The following DYM variants were observed in gnomAD, a reference collection of about 807,000 sequenced individuals.
DYM encodes dymeclin.
A neutral mutation model predicts 93.1 loss-of-function variants in DYM; 78 were observed. The ratio of observed to expected loss-of-function variants is 0.84; its 90% CI spans 0.70 to 1.01. The LOEUF is 1.01. DYM is among the 50% of genes least tolerant of loss of function. The pLI is 0.00. For missense variants in DYM, 789 were observed against 845.0 expected, an observed-to-expected ratio of 0.93 and a Z score of 0.82; for synonymous variants, 321 against 319.7, an observed-to-expected ratio of 1.00 and a Z score of -0.04.
chr18:49,341,272 C>T (rs2064100541), intron 6 of DYM, among the ~76,000 whole-genome samples: 1 of 151,968 alleles, frequency 6.6e-6, no homozygotes, highest in South Asian at 2.1e-4. Flanking sequence ...GGGTGGATCA[C>T]GAGGTCAGGA....
Position 49,379,545 on chromosome 18 carries a change from A to T in DYM, c.287+120T>A. The T allele has an allele frequency of 1.5e-5, 13 of 878,726 alleles. No homozygotes were observed. In the Admixed American group the frequency reaches 1.6e-4, roughly 11 times the overall value. The allele number at this position is 878,726 out of a possible 1,614,324, so 54.4% of individuals were successfully genotyped here. On this transcript the variant is annotated intron_variant, in intron 4 of 17. Transcript: ENST00000675505. ...AACCTCTCTACCTTTTTTTCTTAAT[A>T]ATGAGAATAATTCCTTCACAGAGAT...
At chr18:49,056,668 G>A (rs2144534287) in intron 17 of DYM, among the ~76,000 whole-genome samples, 1 of 151,780 alleles carries the variant, frequency 6.6e-6, no homozygotes. Flanking sequence ...CTCCCTAGTA[G>A]CAGGGACTAC....
intron 10 of DYM, among the ~76,000 whole-genome samples, chr18:49,277,659 C>T (rs557941317): frequency 2.0e-5 from 3 of 152,262 alleles, no homozygotes; most frequent in Admixed American, 6.5e-5. Context: ...TGTGAGAACA[C>T]AGCAAGTATA....
intron 14 of DYM, among the ~76,000 whole-genome samples, chr18:49,204,368 C>T (rs1403630574): frequency 6.6e-6 from 1 of 152,168 alleles, no homozygotes; most frequent in East Asian, 1.9e-4. Context: ...ATAAACTGTG[C>T]CACTGCAACA....
rs1332902324 is a variant in DYM at position 49,038,299 on chromosome 18, G to A, written c.*5756C>T. Among the ~76,000 whole-genome samples the A allele has an allele frequency of 6.6e-6, 1 of 152,086 alleles. No individual in the cohort carries two copies. The highest frequency in any genetic ancestry group is 2.4e-5 in the African/African-American group (1 of 41,400). ...TTCTACCAATTAACAAAATAGGCAT[G>A]TTAAAATATCACTCTGGTTGCATAT... On this transcript the variant is annotated 3_prime_UTR_variant, in exon 18 of 18. Coordinates refer to ENST00000675505, the MANE Select transcript of DYM (RefSeq NM_001353214.3).
chr18:49,298,896 T>C (rs1258150941), intron 8 of DYM, among the ~76,000 whole-genome samples: 4 of 152,132 alleles, frequency 2.6e-5, no homozygotes, highest in Non-Finnish European at 4.4e-5. Context: ...ATGTGAAGCA[T>C]AAAAGGAAAC....
At chr18:49,318,550 A>G (rs922617557) in intron 8 of DYM, among the ~76,000 whole-genome samples, 5 of 152,052 alleles carry the variant, frequency 3.3e-5, no homozygotes, top group Admixed American at 3.3e-4. Flanking sequence ...TGAACCAGGG[A>G]GTCAGAGGTT....
At chr18:49,073,484 C>A (rs2077054641) in intron 17 of DYM, among the ~76,000 whole-genome samples, 1 of 151,958 alleles carries the variant, frequency 6.6e-6, no homozygotes, top group Admixed American at 6.6e-5. Flanking sequence ...CACTTGAAGG[C>A]AAGAGAAGTT....
At chr18:49,206,287 C>T (rs1279779944) in intron 14 of DYM, among the ~76,000 whole-genome samples, 2 of 151,962 alleles carry the variant, frequency 1.3e-5, no homozygotes, top group South Asian at 2.1e-4. Context: ...CATTAGCCAC[C>T]GCGCCCAGCT....
At chr18:49,108,696 T>C (rs2081111467) in intron 16 of DYM, among the ~76,000 whole-genome samples, 1 of 152,224 alleles carries the variant, frequency 6.6e-6, no homozygotes. Context: ...ACTGATGTTG[T>C]TGGGTGGTAT....
chr18:49,115,998 T>A (rs2081889737), intron 16 of DYM: 1 of 152,228 alleles, frequency 6.6e-6, no homozygotes. Context: ...ATGAGACTAC[T>A]GTAGGTAGAT....
chr18:49,119,741 G>A (rs2082211874), intron 15 of DYM, among the ~76,000 whole-genome samples: 1 of 152,096 alleles, frequency 6.6e-6, no homozygotes, highest in African/African-American at 2.4e-5. Context: ...GATAAGCTAT[G>A]TACATATAAT....
At chr18:49,292,355 G>GACACACACACACACACACACACACAC (rs57025579) in intron 8 of DYM, among the ~76,000 whole-genome samples, 1 of 84,704 alleles carries the variant, frequency 1.2e-5, no homozygotes, top group Admixed American at 1.3e-4. Context: ...CAGACAGACA[G>GACACACACACACACACACACACACAC]ACACACACAC....
chr18:49,237,016 A>G (rs2093887392), intron 13 of DYM, among the ~76,000 whole-genome samples: 1 of 152,180 alleles, frequency 6.6e-6, no homozygotes, highest in South Asian at 2.1e-4. Context: ...ACTCTCCTGC[A>G]GTTGCTTATC....
intron 1 of DYM, among the ~76,000 whole-genome samples, chr18:49,442,692 A>T (rs1463016161): frequency 2.6e-5 from 4 of 152,168 alleles, no homozygotes; most frequent in Non-Finnish European, 5.9e-5. Context: ...TGTATTTAGC[A>T]CCTACTATGT....
intron 14 of DYM, among the ~76,000 whole-genome samples, chr18:49,176,975 G>T (rs2145393320): frequency 6.6e-6 from 1 of 152,188 alleles, no homozygotes; most frequent in East Asian, 1.9e-4. Flanking sequence ...GTTCTGTAAA[G>T]AAAGAGATTT....
chr18:49,413,045 GA>G (rs1270160631), intron 2 of DYM: 1 of 152,184 alleles, frequency 6.6e-6, no homozygotes, highest in Non-Finnish European at 1.5e-5. Flanking sequence ...AAAAATGCTT[GA>G]AAATGTGAAC....
At chr18:49,387,987 A>G (rs2068798985) in intron 3 of DYM, among the ~76,000 whole-genome samples, 1 of 152,246 alleles carries the variant, frequency 6.6e-6, no homozygotes, top group Non-Finnish European at 1.5e-5. Flanking sequence ...TTCTAAAATT[A>G]AAAGCTTGTT....
In DYM at chr18:49,041,681, G is replaced by C. The variant is rs995748994; in HGVS notation, c.*2374C>G. ...CTGTTAGCTAGTGAGTGCTTCTACT[G>C]TGTGATGAATGAGAAAAGGGAAAGA... On this transcript the variant is annotated 3_prime_UTR_variant, in exon 18 of 18. Transcript: ENST00000675505. The C allele has an allele frequency of 6.6e-6, 1 of 152,292 alleles. No individual in the cohort carries two copies. The highest frequency in any genetic ancestry group is 1.5e-5 in the Non-Finnish European group (1 of 68,098). The allele number at this position is 152,292 out of a possible 1,614,324, so 9.4% of individuals were successfully genotyped here. A position where few individuals can be genotyped will look rare whatever the true frequency, so the allele number is the denominator to read the frequency against.
Sources: allele counts gnomAD v4.1 joint callset (sites outside exome capture counted in the v4.1 genomes callset), GRCh38; gene constraint gnomAD v4.1.1; transcripts MANE v1.5; gene names NCBI Gene and HGNC (gene_info 2026-07-23, HGNC 2026-07-21).